The following SLC12A9 variants were observed in gnomAD, a reference collection of about 807,000 sequenced individuals.
SLC12A9 encodes CCC-interacting protein 1.
A neutral mutation model predicts 66.0 loss-of-function variants in SLC12A9; 55 were observed. The ratio of observed to expected loss-of-function variants is 0.83; its 90% CI spans 0.67 to 1.04. The LOEUF (loss-of-function observed/expected upper bound fraction) is 1.04, where lower values mean the gene tolerates loss of function less well. Ranked by LOEUF, SLC12A9 falls within the 50% of genes least tolerant of loss-of-function variation. SLC12A9 has a pLI of 0.00. For missense variants in SLC12A9, 1,061 were observed against 1,241.9 expected (o/e 0.85, Z 2.19); for synonymous variants, 577 against 569.0 (o/e 1.01, Z -0.20).
intron 13 of SLC12A9, among the ~76,000 whole-genome samples, chr7:100,864,078 CTTT>C (rs10598573): frequency 4.4e-4 from 45 of 102,400 alleles, no homozygotes; most frequent in East Asian, 5.3e-4. Flanking sequence ...CGGTTTTTGC[CTTT>C]TTTTTTTTTT....
At chr7:100,860,487 G>C in intron 9 of SLC12A9, 1 of 525,212 alleles carries the variant, frequency 1.9e-6, no homozygotes, top group Non-Finnish European at 3.4e-6. Context: ...CATTGTGCAG[G>C]GTTCACTGAC....
chr7:100,847,957 G>C (rs775632020), upstream of SLC12A9, among the ~76,000 whole-genome samples: 1 of 151,818 alleles, frequency 6.6e-6, no homozygotes, highest in Non-Finnish European at 1.5e-5. Context: ...ATGGTGGCAC[G>C]TGCCTGTAAT....
intron 9 of SLC12A9, chr7:100,860,906 G>A (rs917281193): frequency 2.7e-5 from 19 of 699,818 alleles, no homozygotes; most frequent in Non-Finnish European, 7.4e-6. Flanking sequence ...GGGTTTAATA[G>A]CATTTTAGGG....
At chr7:100,849,645 G>A (rs1814013867), upstream of SLC12A9, among the ~76,000 whole-genome samples, 1 of 151,994 alleles carries the variant, frequency 6.6e-6, no homozygotes, top group South Asian at 2.1e-4. Context: ...AACCTGGGAT[G>A]CGGAGGGTGC....
intron 1 of SLC12A9, among the ~76,000 whole-genome samples, chr7:100,830,691 T>G (rs1004829832): frequency 1.3e-5 from 2 of 151,936 alleles, no homozygotes; most frequent in South Asian, 4.2e-4. Context: ...TTTTCAAGAT[T>G]TGTAAAACAT....
chr7:100,862,580 A>G, intron 12 of SLC12A9, 101 bp from the exon 13 acceptor site: 2 of 1,393,408 alleles, frequency 1.4e-6, no homozygotes, highest in South Asian at 2.5e-5. Context: ...TGACCCCTCC[A>G]AGTAGCCATA....
intron 13 of SLC12A9, chr7:100,865,202 C>T (rs1167553044): frequency 1.3e-5 from 19 of 1,479,442 alleles, no homozygotes; most frequent in South Asian, 9.7e-5. Flanking sequence ...AGGTGATCAA[C>T]GTGCCTCAGC....
At position 100,866,403 on chromosome 7, in the gene SLC12A9, G is replaced by T. The variant is rs775702885; in HGVS notation, c.2543G>T (p.Gly848Val). 75 of 1,539,286 alleles carry T rather than the reference G, an allele frequency of 4.9e-5. No homozygotes were observed. In the South Asian group the frequency reaches 9.0e-4, roughly 18 times the overall value. The change falls in exon 14 of 14, where the codon GGC (glycine) becomes GTC (valine). Residue 848 changes from glycine to valine, a missense_variant. Coordinates refer to ENST00000354161, the MANE Select transcript of SLC12A9 (RefSeq NM_020246.4). The surrounding 1 kb of genome is among the most constrained non-coding windows in gnomAD (Gnocchi z 7.3). Reference sequence around the variant, plus strand: ...CTGGTTCGGGCCCAGCAGGGGCGCGGCACAGGAGGAGGGCCGGGTGGGCCG... The same window carrying T: ...CTGGTTCGGGCCCAGCAGGGGCGCGTCACAGGAGGAGGGCCGGGTGGGCCG... ...NALVRAQQGR[G>V]TGGGPGGPEG...
chr7:100,841,153 A>C (rs1813781790), intron 1 of SLC12A9, among the ~76,000 whole-genome samples: 1 of 152,194 alleles, frequency 6.6e-6, no homozygotes, highest in South Asian at 2.1e-4. Flanking sequence ...GAAATAAATT[A>C]ACTGGTTTAA....
At chr7:100,844,538 A>T (rs910195728) in intron 1 of SLC12A9, among the ~76,000 whole-genome samples, 1 of 152,220 alleles carries the variant, frequency 6.6e-6, no homozygotes, top group Non-Finnish European at 1.5e-5. Context: ...GCAGAAAATA[A>T]GTACATCTGT....
At chr7:100,833,932 C>CA (rs60667059) in intron 1 of SLC12A9, among the ~76,000 whole-genome samples, 2,701 of 62,534 alleles carry the variant, frequency 0.043, 306 homozygotes, top group East Asian at 0.055. Flanking sequence ...GACTCTGTCT[C>CA]AAAAAAAAAA....
At chr7:100,831,096 T>C (rs970034322) in intron 1 of SLC12A9, among the ~76,000 whole-genome samples, 3 of 152,216 alleles carry the variant, frequency 2.0e-5, no homozygotes, top group African/African-American at 7.2e-5. Flanking sequence ...CCCAGAGCAA[T>C]ATACTGCTAT....
intron 2 of SLC12A9, 62 bp downstream of exon 2, chr7:100,854,440 G>C: frequency 1.3e-6 from 2 of 1,598,280 alleles, no homozygotes; most frequent in Non-Finnish European, 1.7e-6. Flanking sequence ...ATGGGGAGGG[G>C]TGGAGATGGG....
At chr7:100,835,635 G>T (rs1209592610) in intron 1 of SLC12A9, among the ~76,000 whole-genome samples, 1 of 151,620 alleles carries the variant, frequency 6.6e-6, no homozygotes, top group Non-Finnish European at 1.5e-5. Context: ...GGGTGACAGA[G>T]CAAGACTCCG....
At chr7:100,839,386 T>C (rs1420970369) in intron 1 of SLC12A9, among the ~76,000 whole-genome samples, 1 of 152,114 alleles carries the variant, frequency 6.6e-6, no homozygotes, top group East Asian at 1.9e-4. Flanking sequence ...GGAGTCTTGC[T>C]GATGCCCCTG....
intron 12 of SLC12A9, 149 bp from the exon 13 acceptor site, chr7:100,862,532 C>A: frequency 1.1e-6 from 1 of 933,310 alleles, no homozygotes; most frequent in Non-Finnish European, 1.6e-6. Context: ...AGGCATGAGC[C>A]CCGACACCAG....
chr7:100,840,187 T>G (rs1813754491), intron 1 of SLC12A9, among the ~76,000 whole-genome samples: 4 of 144,476 alleles, frequency 2.8e-5, no homozygotes, highest in Admixed American at 2.7e-4. Flanking sequence ...TTCTTTGTTT[T>G]GTGGTGTGCG....
chr7:100,828,329 A>C (rs1349964784), intron 1 of SLC12A9, among the ~76,000 whole-genome samples: 1 of 151,882 alleles, frequency 6.6e-6, no homozygotes, highest in Non-Finnish European at 1.5e-5. Context: ...ATTTGAGGTC[A>C]GGAGTTCAAG....
chr7:100,844,728 G>C (rs539927420), intron 1 of SLC12A9, among the ~76,000 whole-genome samples: 28 of 152,024 alleles, frequency 1.8e-4, no homozygotes, highest in Non-Finnish European at 3.7e-4. Context: ...CTTGATCCTC[G>C]CTAGAAAAAA....
Sources: gnomAD v4.1 joint callset for allele counts (sites outside exome capture counted in the v4.1 genomes callset) on GRCh38, gnomAD v4.1.1 for gene constraint, Gnocchi (gnomAD v3.1) non-coding constraint, MANE v1.5 for transcripts, NCBI Gene and HGNC (gene_info 2026-07-23, HGNC 2026-07-21) for gene names.